Variants in DMXL2 observed in about 807,000 individuals in gnomAD.
DMXL2 encodes the protein Dmx like 2, also known as dmX-like protein 2.
A neutral mutation model predicts 331.1 loss-of-function variants in DMXL2; 103 were observed. The observed-to-expected ratio is 0.31, with a 90% confidence interval of 0.27 to 0.37. The LOEUF (loss-of-function observed/expected upper bound fraction) is 0.37. DMXL2 is among the 10% of genes least tolerant of loss of function. The pLI is 1.00. For synonymous variants in DMXL2, 1,281 were observed against 1,252.1 expected (o/e 1.02, Z -0.49); for missense variants, 3,171 against 3,642.9 (o/e 0.87, Z 3.33).
Position 51,570,811 on chromosome 15 carries a change from G to A in DMXL2, c.214-2253C>T, listed in dbSNP as rs183256046. ...CACTAAACATGGAAAGGAACAACTG[G>A]TACCAGCCACTGCAAAAACATACCA... On this transcript the variant is annotated intron_variant, in intron 2 of 43. Coordinates refer to ENST00000560891, the MANE Select transcript of DMXL2 (RefSeq NM_001378457.1). Among the ~76,000 whole-genome samples, 976 of 152,168 alleles carry A rather than the reference G, an allele frequency of 6.4e-3. 9 individuals carry two copies. Among genetic ancestry groups the A allele is most frequent in the Non-Finnish European group, 9.6e-3 (656 of 68,002 alleles).
intron 2 of DMXL2, among the ~76,000 whole-genome samples, chr15:51,574,994 C>G (rs4143722): frequency 0.44 from 67,323 of 151,966 alleles, 15,472 homozygotes; most frequent in Non-Finnish European, 0.5. Context: ...CTGACACTCC[C>G]CATGTTTTCT....
chr15:51,491,197 T>C (rs537691899), intron 20 of DMXL2, among the ~76,000 whole-genome samples: 1 of 152,282 alleles, frequency 6.6e-6, no homozygotes, highest in South Asian at 2.1e-4. Flanking sequence ...TCCCAGCCAT[T>C]TGGGAGGCCG....
chr15:51,608,275 G>C (rs2414108), intron 1 of DMXL2, among the ~76,000 whole-genome samples: 3 of 151,830 alleles, frequency 2.0e-5, no homozygotes, highest in Non-Finnish European at 2.9e-5. Flanking sequence ...AATATAAATC[G>C]TTATACCATG....
Position 51,458,065 on chromosome 15 carries a change from A to G in DMXL2, c.8198+441T>C, listed in dbSNP as rs189970049. 365 of 156,718 alleles carry G rather than the reference A, an allele frequency of 2.3e-3. 2 individuals carry two copies. The highest frequency in any genetic ancestry group is 3.4e-3 in the Non-Finnish European group (244 of 70,798). 9.7% of individuals were successfully genotyped at this position (156,718 alleles called of 1,614,324 possible). ...AAACCTCAAAATAGGTAAGAATGGC[A>G]AAACACTCTTGGTGCAGTGTCCATA... On this transcript the variant is annotated intron_variant, in intron 36 of 43. Transcript: ENST00000560891.
chr15:51,487,213 T>C (rs892526687), intron 22 of DMXL2, among the ~76,000 whole-genome samples: 1 of 152,116 alleles, frequency 6.6e-6, no homozygotes, highest in Non-Finnish European at 1.5e-5. Flanking sequence ...TATAATATTC[T>C]AATATTATAA....
At chr15:51,586,026 T>C (rs2051796739) in intron 1 of DMXL2, among the ~76,000 whole-genome samples, 2 of 152,202 alleles carry the variant, frequency 1.3e-5, no homozygotes, top group Admixed American at 6.5e-5. Context: ...GAATAAGTTC[T>C]TTTGTCCACA....
intron 2 of DMXL2, among the ~76,000 whole-genome samples, chr15:51,573,562 T>C (rs2050811739): frequency 2.0e-5 from 3 of 152,170 alleles, no homozygotes; most frequent in Non-Finnish European, 2.9e-5. Context: ...TGGAAGAAGC[T>C]GGAAACCATT....
chr15:51,459,487 G>A (rs2039940172), intron 34 of DMXL2, 111 bp downstream of exon 34: 3 of 827,270 alleles, frequency 3.6e-6, no homozygotes, highest in Non-Finnish European at 5.2e-6. Context: ...GGAGTACTAT[G>A]AGTTCTCTGA....
Position 51,498,806 on chromosome 15 carries a change from T to G in DMXL2, c.4418A>C (p.Gln1473Pro). The G allele has an allele frequency of 6.2e-7, 1 of 1,614,212 alleles. No individual in the cohort carries two copies. The highest frequency in any genetic ancestry group is 8.5e-7 in the Non-Finnish European group (1 of 1,180,038). The change falls in exon 18 of 44, where the codon CAA becomes CCA. Residue 1473 changes from glutamine to proline, a missense_variant. Physicochemically the swap from Gln to Pro is moderately conservative, Grantham distance 76 (BLOSUM62 -1). Transcript: ENST00000560891. Reference protein sequence around the residue: ...QPEDQYSELFQIQDIPTDDID... With the variant: ...QPEDQYSELFPIQDIPTDDID... ...ATCATCCGTTGGTATATCCTGGATT[T>G]GAAACAGCTCTGAATACTGATCCTC...
intron 1 of DMXL2, among the ~76,000 whole-genome samples, chr15:51,597,588 A>G (rs2052918008): frequency 1.3e-5 from 2 of 152,226 alleles, no homozygotes; most frequent in Admixed American, 6.5e-5. Flanking sequence ...ATTACATACA[A>G]TGCTGCTATG....
intron 1 of DMXL2, among the ~76,000 whole-genome samples, chr15:51,586,104 T>A (rs1407619854): frequency 2.0e-5 from 3 of 152,118 alleles, no homozygotes; most frequent in African/African-American, 7.2e-5. Context: ...TCGAGAGTGC[T>A]GAATAAGCAA....
intron 1 of DMXL2, among the ~76,000 whole-genome samples, chr15:51,610,516 C>A (rs1595748014): frequency 6.6e-6 from 1 of 152,146 alleles, no homozygotes; most frequent in East Asian, 1.9e-4. Context: ...CGCCTGTAAT[C>A]CCAGAACTTT....
chr15:51,546,239 C>T (rs1250557235), intron 7 of DMXL2, among the ~76,000 whole-genome samples: 2 of 151,968 alleles, frequency 1.3e-5, no homozygotes, highest in East Asian at 3.8e-4. Context: ...AAATCCATTT[C>T]CATTAAGTTA....
intron 31 of DMXL2, among the ~76,000 whole-genome samples, chr15:51,465,225 G>A (rs1255718200): frequency 6.6e-6 from 1 of 152,034 alleles, no homozygotes; most frequent in East Asian, 1.9e-4. Flanking sequence ...ATGTAACTTT[G>A]TCTCTTACAA....
chr15:51,564,033 C>A, intron 5 of DMXL2, 92 bp downstream of exon 5: 1 of 1,379,974 alleles, frequency 7.2e-7, no homozygotes, highest in Non-Finnish European at 9.8e-7. Flanking sequence ...GCAATGGTAC[C>A]ATCAAAAAAT....
intron 21 of DMXL2, 81 bp downstream of exon 21, chr15:51,488,467 T>G: frequency 2.4e-6 from 3 of 1,258,336 alleles, no homozygotes; most frequent in Non-Finnish European, 3.4e-6. Context: ...ATATACCTAA[T>G]TATTTTCAAA....
intron 1 of DMXL2, among the ~76,000 whole-genome samples, chr15:51,589,770 C>T (rs959481292): frequency 6.6e-6 from 1 of 152,062 alleles, no homozygotes; most frequent in Non-Finnish European, 1.5e-5. Flanking sequence ...TACAACTTTT[C>T]TGGAAAATAA....
In DMXL2 at chr15:51,466,176, T is replaced by A; in HGVS notation, c.7520+8A>T. The A allele has an allele frequency of 6.4e-7, 1 of 1,550,596 alleles. No individual in the cohort carries two copies. The highest frequency in any genetic ancestry group is 8.6e-7 in the Non-Finnish European group (1 of 1,159,306). ...AAAAAAAATGAGAGAAAGAAAAGTC[T>A]TATTTACCTATAGGAATTTGGATCT... On this transcript the variant is annotated splice_region_variant and intron_variant, in intron 30 of 43. Coordinates refer to ENST00000560891, the MANE Select transcript of DMXL2 (RefSeq NM_001378457.1).
At chr15:51,598,409 AC>A (rs1174073079) in intron 1 of DMXL2, among the ~76,000 whole-genome samples, 1 of 152,174 alleles carries the variant, frequency 6.6e-6, no homozygotes, top group East Asian at 1.9e-4. Flanking sequence ...TTATATGACC[AC>A]AGTACAATTA....
Sources: gnomAD v4.1 joint callset for allele counts (sites outside exome capture counted in the v4.1 genomes callset) on GRCh38, gnomAD v4.1.1 for gene constraint, MANE v1.5 for transcripts, NCBI Gene and HGNC (gene_info 2026-07-23, HGNC 2026-07-21) for gene names.